KIF2A: variants seen among roughly 807,000 people sequenced by gnomAD.
The protein encoded by KIF2A is kinesin-like protein KIF2A.
KIF2A carries 22 observed loss-of-function variants against 100.2 expected under a neutral mutation model. The ratio of observed to expected loss-of-function variants is 0.22; its 90% confidence interval spans 0.16 to 0.31. KIF2A has a LOEUF of 0.31. KIF2A is among the 10% of genes least tolerant of loss of function. The pLI is 1.00. For missense variants in KIF2A, 495 were observed against 898.7 expected, an observed-to-expected ratio of 0.55 and a Z score of 5.74; for synonymous variants, 268 against 285.9, an observed-to-expected ratio of 0.94 and a Z score of 0.63.
chr5:62,313,354 C>T (rs1183881038), intron 1 of KIF2A, among the ~76,000 whole-genome samples: 1 of 152,098 alleles, frequency 6.6e-6, no homozygotes, highest in African/African-American at 2.4e-5. Flanking sequence ...ATGAATTTAG[C>T]CTCAGAGTTT....
At chr5:62,320,592 G>A (rs1580005691) in intron 1 of KIF2A, among the ~76,000 whole-genome samples, 1 of 151,554 alleles carries the variant, frequency 6.6e-6, no homozygotes, top group South Asian at 2.1e-4. Flanking sequence ...GGCCCTGTAA[G>A]GGATGACATG....
chr5:62,350,661 C>T (rs745493089), intron 4 of KIF2A, among the ~76,000 whole-genome samples: 2 of 152,074 alleles, frequency 1.3e-5, no homozygotes, highest in Non-Finnish European at 1.5e-5. Flanking sequence ...CCTGTAATCT[C>T]CACACTTTGG....
At position 62,357,701 on chromosome 5, in the gene KIF2A, A is replaced by G; in HGVS notation, c.665A>G (p.His222Arg). The G allele has an allele frequency of 6.5e-7, 1 of 1,544,056 alleles. No homozygotes were observed. ...ACTTTTTATTTCTAGATTGATGAAC[A>G]TAGGATATGTGTGTGTGTAAGAAAA... ...PLTTADPIDE[H>R]RICVCVRKRP... The change falls in exon 8 of 21, where the codon CAT (histidine) becomes CGT (arginine). Residue 222 changes from histidine (H) to arginine (R), a missense_variant. Physicochemically the swap from His to Arg is conservative, Grantham distance 29. This residue lies in a region of KIF2A where 109 missense variants were observed against 244.2 expected (regional missense o/e 0.45). Transcript: ENST00000407818.
intron 1 of KIF2A, among the ~76,000 whole-genome samples, chr5:62,324,965 A>G (rs1476328904): frequency 6.6e-6 from 1 of 152,224 alleles, no homozygotes; most frequent in East Asian, 1.9e-4. Flanking sequence ...CAAAGGTCTC[A>G]TTTCCAGAAT....
intron 11 of KIF2A, 155 bp from the exon 12 acceptor site, chr5:62,362,295 A>AT (rs1350670127): frequency 3.0e-6 from 1 of 330,764 alleles, no homozygotes; most frequent in African/African-American, 2.2e-5. Flanking sequence ...TATTAATACT[A>AT]TTTTTTGTAA....
rs201398263 is a variant in KIF2A at position 62,373,396 on chromosome 5, TAAC to T, written c.1761-288_1761-286del. Among the ~76,000 whole-genome samples, 755 of 151,846 alleles carry T rather than the reference TAAC, an allele frequency of 5.0e-3. 5 individuals are homozygous for T. The highest frequency in any genetic ancestry group is 0.017 in the African/African-American group (708 of 41,306). ...AAAATTTAAAAAATTTTTTAAATCA[TAAC>T]AAGTTTTTTTCTTTGAATACTGAAT... On this transcript the variant is annotated intron_variant, in intron 17 of 20. Transcript: ENST00000407818.
At chr5:62,334,044 A>G (rs1000473505) in intron 1 of KIF2A, among the ~76,000 whole-genome samples, 2 of 152,102 alleles carry the variant, frequency 1.3e-5, no homozygotes, top group Non-Finnish European at 2.9e-5. Flanking sequence ...CCTGGAATTA[A>G]TATCTTTCCA....
intron 1 of KIF2A, among the ~76,000 whole-genome samples, chr5:62,334,447 G>A (rs574320183): frequency 1.1e-3 from 171 of 151,586 alleles, no homozygotes; most frequent in Non-Finnish European, 2.0e-3. Context: ...GGCCCACCAT[G>A]CCCTGCCTAC....
chr5:62,333,013 C>T (rs1347949255), intron 1 of KIF2A, among the ~76,000 whole-genome samples: 1 of 152,124 alleles, frequency 6.6e-6, no homozygotes, highest in Non-Finnish European at 1.5e-5. Flanking sequence ...ATAAAAGCAT[C>T]ATCCTATACC....
intron 16 of KIF2A, among the ~76,000 whole-genome samples, chr5:62,370,667 G>GA (rs1367075174): frequency 2.6e-5 from 4 of 151,774 alleles, no homozygotes; most frequent in African/African-American, 7.3e-5. Context: ...TTGTCTCAAG[G>GA]AAAAAAAATT....
rs371648778 is a variant in KIF2A, at chr5:62,338,030, ACT to A, written c.65-9097_65-9096del. Among the ~76,000 whole-genome samples the A allele has an allele frequency of 1.4e-3, 206 of 152,190 alleles. 1 individual carries two copies. Among genetic ancestry groups the A allele is most frequent in the African/African-American group, 4.8e-3 (200 of 41,522 alleles). ...GCAAAAGGCCAAGAAGATCAAAGAG[ACT>A]CTTAAAGAACAATAAGACAGGAGGG... On this transcript the variant is annotated intron_variant, in intron 1 of 20. Transcript: ENST00000407818.
chr5:62,308,064 G>T (rs1411206386), intron 1 of KIF2A, among the ~76,000 whole-genome samples: 1 of 152,186 alleles, frequency 6.6e-6, no homozygotes, highest in Non-Finnish European at 1.5e-5. Context: ...TTGTGTGTAT[G>T]ATATATTGGA....
chr5:62,373,652 G>A (rs1741415697), intron 17 of KIF2A, 35 bp from the exon 18 acceptor site: 1 of 1,554,418 alleles, frequency 6.4e-7, no homozygotes, highest in Admixed American at 1.7e-5. Context: ...CTGCATGAGT[G>A]TTTTTAACTT....
At chr5:62,367,428 G>A (rs1741128205) in intron 16 of KIF2A, among the ~76,000 whole-genome samples, 1 of 151,854 alleles carries the variant, frequency 6.6e-6, no homozygotes, top group African/African-American at 2.4e-5. Flanking sequence ...CACCATACCC[G>A]GCTAATTTTT....
chr5:62,366,520 G>C, intron 16 of KIF2A, 39 bp downstream of exon 16: 1 of 1,162,448 alleles, frequency 8.6e-7, no homozygotes, highest in Non-Finnish European at 1.3e-6. Context: ...TTTGAGGGGA[G>C]TACAGCAGTA....
intron 14 of KIF2A, 84 bp from the exon 15 acceptor site, chr5:62,365,159 G>A: frequency 3.2e-6 from 2 of 634,812 alleles, no homozygotes; most frequent in South Asian, 2.4e-5. Flanking sequence ...TCAAGTTGTA[G>A]TAAGAGACCT....
intron 7 of KIF2A, among the ~76,000 whole-genome samples, chr5:62,357,424 T>C (rs1178722130): frequency 1.3e-5 from 2 of 152,152 alleles, no homozygotes; most frequent in African/African-American, 2.4e-5. Context: ...CTACTAACAA[T>C]AGTAGTACCC....
rs34083254 is a variant in KIF2A, at chr5:62,382,930, C to CTT, written c.2149+1692_2149+1693dup. Reference sequence around the variant, plus strand: ...ATGTGAGGCACCGAGCCTGGCTTTGCTTTTTTTTTTTTTTTTGAGATAGTG... The same window carrying CTT: ...ATGTGAGGCACCGAGCCTGGCTTTGCTTTTTTTTTTTTTTTTTTGAGATAGTG... On this transcript the variant is annotated intron_variant, in intron 20 of 20. Coordinates refer to ENST00000407818, the MANE Select transcript of KIF2A (RefSeq NM_001098511.3). 1.7e-3 allele frequency among the ~76,000 whole-genome samples: 212 copies of CTT among 128,220 alleles called. 1 individual carries two copies. Among genetic ancestry groups the CTT allele is most frequent in the Admixed American group, 3.2e-3 (40 of 12,440 alleles). The allele number at this position is 128,220 out of a possible 152,430, so 84.1% of individuals were successfully genotyped here.
chr5:62,357,844 C>A lies in KIF2A; in HGVS notation c.709+99C>A, dbSNP rs1748192473. Reference sequence around the variant, plus strand: ...AAATTGGTTTGGAAAAAATGTAAATCATTTCCTTTGATTTGTATGTAACCA... The same window carrying A: ...AAATTGGTTTGGAAAAAATGTAAATAATTTCCTTTGATTTGTATGTAACCA... On this transcript the variant is annotated intron_variant, in intron 8 of 20. Coordinates refer to ENST00000407818, the MANE Select transcript of KIF2A (RefSeq NM_001098511.3). 4.8e-5 allele frequency: 38 copies of A among 798,248 alleles called. No individual in the cohort carries two copies. The South Asian group carries it at 6.3e-4, about 13-fold the overall frequency. The allele number at this position is 798,248 out of a possible 1,614,324, so 49.4% of individuals were successfully genotyped here. A position where few individuals can be genotyped will look rare whatever the true frequency, so the allele number is the denominator to read the frequency against.
Sources: allele counts gnomAD v4.1 joint callset (sites outside exome capture counted in the v4.1 genomes callset), GRCh38; gene constraint gnomAD v4.1.1; regional missense constraint gnomAD v4.1.1; transcripts MANE v1.5; gene names NCBI Gene and HGNC (gene_info 2026-07-23, HGNC 2026-07-21).